The following CUX1 variants were observed in gnomAD, a reference collection of about 807,000 sequenced individuals.
CUX1 encodes cut like homeobox 1, also known as protein CASP.
CUX1 carries 31 observed loss-of-function variants against 158.8 expected under a neutral mutation model. The ratio of observed to expected loss-of-function variants is 0.20; its 90% CI spans 0.15 to 0.26. The LOEUF is 0.26. CUX1 is among the 10% of genes least tolerant of loss of function. The pLI is 1.00. For missense variants in CUX1, 1,589 were observed against 2,014.6 expected, an observed-to-expected ratio of 0.79 and a Z score of 4.04; for synonymous variants, 879 against 862.1, an observed-to-expected ratio of 1.02 and a Z score of -0.34.
chr7:102,000,467 A>G (rs995761407), intron 2 of CUX1, among the ~76,000 whole-genome samples: 4 of 152,238 alleles, frequency 2.6e-5, no homozygotes, highest in African/African-American at 9.6e-5. Context: ...TTGAGTTCTA[A>G]AGATTTTTAA....
chr7:101,996,731 T>G (rs932414041), intron 2 of CUX1, among the ~76,000 whole-genome samples: 2 of 144,422 alleles, frequency 1.4e-5, no homozygotes, highest in Non-Finnish European at 3.0e-5. Context: ...CCTTCCTCTC[T>G]TCCTCCTACC....
rs1052682523 is a variant in CUX1 at position 102,202,174 on chromosome 7, C to T, written c.2877C>T (p.Asn959=). 22 of 1,609,806 alleles carry T rather than the reference C, an allele frequency of 1.4e-5. No individual in the cohort carries two copies. Among genetic ancestry groups the T allele is most frequent in the Non-Finnish European group, 1.7e-5 (20 of 1,176,908 alleles). Residue 959 remains asparagine (N), a synonymous_variant, in exon 18 of 24, where the codon AAC becomes AAT. Transcript: ENST00000292535. ...AGGTTAAGGAAAAGCTGGCCAAGAA[C>T]GGCATCTGCCAGAGAATCTTCGGGG... ...TRQVKEKLAK[N]GICQRIFGEK...
chr7:102,225,011 C>T (rs538032447), intron 20 of CUX1, among the ~76,000 whole-genome samples: 2 of 152,182 alleles, frequency 1.3e-5, no homozygotes, highest in African/African-American at 2.4e-5. Flanking sequence ...CCTTACGGTA[C>T]GGTTCCTCTG....
intron 1 of CUX1, among the ~76,000 whole-genome samples, chr7:101,832,200 C>A (rs1794113221): frequency 6.6e-6 from 1 of 152,082 alleles, no homozygotes; most frequent in African/African-American, 2.4e-5. Flanking sequence ...TGAGAGGATG[C>A]CAGGCTGTGG....
At chr7:102,101,884 C>T (rs1829811940) in intron 5 of CUX1, among the ~76,000 whole-genome samples, 1 of 150,598 alleles carries the variant, frequency 6.6e-6, no homozygotes, top group African/African-American at 2.5e-5. Context: ...TGCACTCCAG[C>T]CTGGGTGACA....
chr7:101,919,454 C>T (rs371677269), intron 2 of CUX1, among the ~76,000 whole-genome samples: 6 of 152,124 alleles, frequency 3.9e-5, no homozygotes, highest in South Asian at 2.1e-4. Context: ...AGCTTTCGCC[C>T]GTTGGGTAGG....
chr7:102,108,074 C>T (rs782572463), intron 6 of CUX1, among the ~76,000 whole-genome samples: 4 of 152,156 alleles, frequency 2.6e-5, no homozygotes, highest in Non-Finnish European at 2.9e-5. Context: ...AGGGGGAAAA[C>T]GCGAGCAATC....
chr7:101,831,734 T>TTTATTATTATTA (rs10654094), intron 1 of CUX1, among the ~76,000 whole-genome samples: 9,716 of 147,302 alleles, frequency 0.066, 738 homozygotes, highest in African/African-American at 0.18. Context: ...GAGAAATAAC[T>TTTATTATTATTA]TTATTATTAT....
chr7:102,002,115 G>A (rs1413202698), intron 2 of CUX1, among the ~76,000 whole-genome samples: 2 of 152,100 alleles, frequency 1.3e-5, no homozygotes, highest in East Asian at 1.9e-4. Context: ...GCAACATAAC[G>A]AGACCCCCAT....
At chr7:102,223,415 TA>T (rs1798031366) in intron 20 of CUX1, among the ~76,000 whole-genome samples, 1 of 152,060 alleles carries the variant, frequency 6.6e-6, no homozygotes, top group Admixed American at 6.6e-5. Flanking sequence ...TGTAGGTCTT[TA>T]TAGAAACAAA....
At chr7:102,216,633 CCACACACGCACACACACACACTCT>C (rs1797169721) in intron 20 of CUX1, among the ~76,000 whole-genome samples, 1 of 102,238 alleles carries the variant, frequency 9.8e-6, no homozygotes, top group Non-Finnish European at 2.0e-5. Flanking sequence ...ACACACACCC[CCACACACGCACACACACACACTCT>C]CCCACACACA....
Position 102,201,826 on chromosome 7 carries a change from C to T in CUX1, c.2529C>T (p.Ala843=), listed in dbSNP as rs1554519883. The change falls in exon 18 of 24, where the codon GCC becomes GCT. Residue 843 remains alanine (A), a synonymous_variant. Coordinates refer to ENST00000292535, the MANE Select transcript of CUX1 (RefSeq NM_181552.4). This position sits in a 1 kb window ranked among gnomAD's most constrained non-coding sequence, Gnocchi z 5.0. ...RNAASSEEAK[A]EETGGGKEKG... is the part of the protein sequence containing the mutation. ...CCGCCTCCTCCGAGGAGGCCAAGGC[C>T]GAAGAAACGGGCGGCGGGAAAGAGA... The T allele has an allele frequency of 2.5e-6, 4 of 1,613,072 alleles. No homozygotes were observed. The highest frequency in any genetic ancestry group is 3.4e-6 in the Non-Finnish European group (4 of 1,179,888).
At chr7:102,012,188 T>C (rs1563128252) in intron 2 of CUX1, among the ~76,000 whole-genome samples, 1 of 152,104 alleles carries the variant, frequency 6.6e-6, no homozygotes, top group South Asian at 2.1e-4. Flanking sequence ...ATTTTATTTA[T>C]TTAGAATTTT....
At chr7:101,980,215 G>C (rs1019381140) in intron 2 of CUX1, among the ~76,000 whole-genome samples, 2 of 152,100 alleles carry the variant, frequency 1.3e-5, no homozygotes, top group African/African-American at 4.8e-5. Context: ...TACAGAAGAA[G>C]AACCTTCAGG....
At chr7:102,116,664 T>G (rs1554491871) in intron 8 of CUX1, among the ~76,000 whole-genome samples, 1 of 152,030 alleles carries the variant, frequency 6.6e-6, no homozygotes, top group East Asian at 1.9e-4. Flanking sequence ...TTTAAAATAT[T>G]GTTTTAGTTT....
chr7:101,932,555 A>G (rs1212440499), intron 2 of CUX1: 1 of 454,700 alleles, frequency 2.2e-6, no homozygotes, highest in East Asian at 6.9e-5. Flanking sequence ...CATTTGTGAA[A>G]CCATCAGCCA....
intron 4 of CUX1, among the ~76,000 whole-genome samples, chr7:102,094,347 A>G (rs201442): frequency 0.61 from 92,213 of 152,130 alleles, 29,826 homozygotes; most frequent in African/African-American, 0.79. Flanking sequence ...GCTTTGCTAC[A>G]TAGGCATTAA....
chr7:101,991,250 C>T (rs996097723), intron 2 of CUX1, among the ~76,000 whole-genome samples: 28 of 152,188 alleles, frequency 1.8e-4, no homozygotes, highest in Admixed American at 2.0e-4. Context: ...TGTAGGTCCC[C>T]CTACACCACC....
chr7:102,079,696 A>G (rs1052017619), intron 4 of CUX1, among the ~76,000 whole-genome samples: 3 of 152,158 alleles, frequency 2.0e-5, no homozygotes, highest in African/African-American at 7.2e-5. Flanking sequence ...ATCCCTTTAC[A>G]AATCCTCAGT....
Sources: gnomAD v4.1 joint callset for allele counts (sites outside exome capture counted in the v4.1 genomes callset) on GRCh38, gnomAD v4.1.1 for gene constraint, Gnocchi (gnomAD v3.1) non-coding constraint, MANE v1.5 for transcripts, NCBI Gene and HGNC (gene_info 2026-07-23, HGNC 2026-07-21) for gene names.